The following ABCG1 variants were observed in gnomAD, a reference collection of about 807,000 sequenced individuals.
The protein encoded by ABCG1 is ATP binding cassette subfamily G member 1, also known as ATP-binding cassette sub-family G member 1.
Under a neutral mutation model 69.2 loss-of-function variants are expected in ABCG1, and 29 were observed. That is an observed-to-expected ratio of 0.42 (90% confidence interval 0.31 to 0.57). The LOEUF (loss-of-function observed/expected upper bound fraction) is 0.57, where lower values mean the gene tolerates loss of function less well. Among genes scored for constraint, ABCG1 ranks in the 20% least tolerant of loss-of-function variants. The pLI, the probability that ABCG1 is intolerant of heterozygous loss-of-function variation, is 0.15. For missense variants in ABCG1, 718 were observed against 898.1 expected (o/e 0.80, Z 2.56); for synonymous variants, 370 against 374.8 (o/e 0.99, Z 0.15).
At chr21:42,274,592 A>T (rs1296258041) in intron 4 of ABCG1, among the ~76,000 whole-genome samples, 1 of 150,608 alleles carries the variant, frequency 6.6e-6, no homozygotes, top group Non-Finnish European at 1.5e-5. Flanking sequence ...CTTCTGCCTC[A>T]GCCTCCCAAG....
chr21:42,268,375 G>GTGTT (rs1485328424), intron 2 of ABCG1, among the ~76,000 whole-genome samples: 1 of 135,652 alleles, frequency 7.4e-6, no homozygotes, highest in African/African-American at 3.3e-5. Flanking sequence ...GTGTGTGTGT[G>GTGTT]TGTGTGTGTG....
intron 7 of ABCG1, 87 bp from the exon 8 acceptor site, chr21:42,285,793 T>G: frequency 6.8e-6 from 6 of 881,362 alleles, no homozygotes; most frequent in Non-Finnish European, 9.5e-6. Flanking sequence ...GATCGGTTGA[T>G]TGATTGGTTG....
intron 2 of ABCG1, among the ~76,000 whole-genome samples, chr21:42,262,255 G>A (rs4148122): frequency 0.015 from 2,294 of 152,264 alleles, 32 homozygotes; most frequent in Middle Eastern, 0.034. Context: ...TGAGTCCTCC[G>A]TAAGGGACAG....
chr21:42,207,547 C>A (rs529322932), intron 2 of ABCG1, among the ~76,000 whole-genome samples: 1 of 152,222 alleles, frequency 6.6e-6, no homozygotes, highest in Non-Finnish European at 1.5e-5. Context: ...ATAATTCTAA[C>A]ACTGCTGTCC....
rs1273320141 is a variant in ABCG1, at chr21:42,273,419, T to G, written c.521T>G (p.Val174Gly). 6.2e-7 allele frequency: 1 copy of G among 1,613,624 alleles called. No homozygotes were observed. The highest frequency in any genetic ancestry group is 8.5e-7 in the Non-Finnish European group (1 of 1,179,888). ...GACATGCTGCTGCCGCATCTCACTG[T>G]GCAGGAGGCCATGATGGTGAGCTCC... ...QDDMLLPHLT[V>G]QEAMMVSAHL... Residue 174 changes from valine (V) to glycine (G), a missense_variant, in exon 4 of 15, where the codon GTG becomes GGG. Val to Gly is a moderately radical substitution (Grantham distance 109). Coordinates refer to ENST00000398449, the MANE Select transcript of ABCG1 (RefSeq NM_016818.3). This position sits in a 1 kb window ranked among gnomAD's most constrained non-coding sequence, Gnocchi z 5.3.
At chr21:42,226,058 A>T (rs940653759) in intron 2 of ABCG1, 144 bp downstream of exon 2, 1 of 981,260 alleles carries the variant, frequency 1.0e-6, no homozygotes, top group African/African-American at 1.6e-5. Context: ...AATTTATTCT[A>T]TTGCTTTCTG....
chr21:42,205,157 G>A, intron 2 of ABCG1, among the ~76,000 whole-genome samples: 1 of 152,236 alleles, frequency 6.6e-6, no homozygotes, highest in Middle Eastern at 3.4e-3. Context: ...GTTGTCAAAT[G>A]CATGATTGCA....
intron 2 of ABCG1, among the ~76,000 whole-genome samples, chr21:42,227,087 G>A (rs948181111): frequency 5.3e-5 from 8 of 152,200 alleles, no homozygotes; most frequent in African/African-American, 1.7e-4. Context: ...AGCTTTGAAA[G>A]ACTGGTCCCT....
intron 2 of ABCG1, among the ~76,000 whole-genome samples, chr21:42,261,972 C>T (rs901268457): frequency 2.6e-5 from 4 of 152,156 alleles, no homozygotes; most frequent in Non-Finnish European, 5.9e-5. Context: ...ACCCAATGAC[C>T]GATCTTCCCC....
intron 2 of ABCG1, among the ~76,000 whole-genome samples, chr21:42,234,771 A>ACAG (rs1233683283): frequency 6.6e-6 from 1 of 152,058 alleles, no homozygotes; most frequent in Non-Finnish European, 1.5e-5. Flanking sequence ...CCCGAGCTCA[A>ACAG]CGCCCGGGAG....
chr21:42,254,601 T>A (rs952795984), intron 2 of ABCG1, among the ~76,000 whole-genome samples: 3 of 152,232 alleles, frequency 2.0e-5, no homozygotes, highest in African/African-American at 7.2e-5. Flanking sequence ...GCAAGAGGAT[T>A]GATCAGCGCG....
In ABCG1 at chr21:42,276,855, G is replaced by A. The variant is rs369825449; in HGVS notation, c.538-40G>A. 1.6e-4 allele frequency: 251 copies of A among 1,610,746 alleles called. No homozygotes were observed. Among genetic ancestry groups the A allele is most frequent in the East Asian group, 6.7e-5 (3 of 44,836 alleles). On this transcript the variant is annotated intron_variant, in intron 4 of 14. Coordinates refer to ENST00000398449, the MANE Select transcript of ABCG1 (RefSeq NM_016818.3). The surrounding 1 kb of genome is among the most constrained non-coding windows in gnomAD (Gnocchi z 5.3). Reference sequence around the variant, plus strand: ...CATGAGGCTCACACTGCCAGTGGCCGTCTGTTCTGCTTCCACACTGTTGTC... The same window carrying A: ...CATGAGGCTCACACTGCCAGTGGCCATCTGTTCTGCTTCCACACTGTTGTC...
intron 2 of ABCG1, among the ~76,000 whole-genome samples, chr21:42,210,455 T>A (rs1569200816): frequency 6.6e-6 from 1 of 152,208 alleles, no homozygotes; most frequent in Admixed American, 6.5e-5. Context: ...TCTCTGAGAC[T>A]TCTGTCTTAA....
intron 11 of ABCG1, among the ~76,000 whole-genome samples, 170 bp from the exon 12 acceptor site, chr21:42,290,921 CG>C (rs1443780406): frequency 1.3e-5 from 2 of 152,196 alleles, no homozygotes; most frequent in African/African-American, 4.8e-5. Flanking sequence ...GTTATGCAAA[CG>C]GGTGGCGTTT....
intron 1 of ABCG1, among the ~76,000 whole-genome samples, chr21:42,221,613 G>A (rs1274219906): frequency 2.0e-5 from 3 of 152,208 alleles, no homozygotes; most frequent in African/African-American, 7.2e-5. Context: ...AGGGTATGAT[G>A]CCTTTGGTAT....
At position 42,287,758 on chromosome 21, in the gene ABCG1, C is replaced by T. The variant is rs1192702898; in HGVS notation, c.974-131C>T. 2 of 914,478 alleles carry T rather than the reference C, an allele frequency of 2.2e-6. No individual in the cohort carries two copies. The highest frequency in any genetic ancestry group is 1.6e-6 in the Non-Finnish European group (1 of 616,278). 56.6% of individuals were successfully genotyped at this position (914,478 alleles called of 1,614,324 possible). A position where few individuals can be genotyped will look rare whatever the true frequency, so the allele number is the denominator to read the frequency against. On this transcript the variant is annotated intron_variant, in intron 8 of 14. Coordinates refer to ENST00000398449, the MANE Select transcript of ABCG1 (RefSeq NM_016818.3). This position sits in a 1 kb window ranked among gnomAD's most constrained non-coding sequence, Gnocchi z 6.2. ...GTTGATAAATGATTTTGACGTCATG[C>T]CATTAGCACCGCCACGCAGCATCTA...
upstream of ABCG1, chr21:42,219,013 GC>G (rs1465825192): frequency 6.1e-5 from 14 of 230,808 alleles, 1 homozygote; most frequent in Middle Eastern, 3.0e-3. This position sits in a 1 kb window ranked among gnomAD's most constrained non-coding sequence, Gnocchi z 5.3. Context: ...CTGGTCCGCC[GC>G]CCCCAGCAGG....
At chr21:42,283,756 T>C (rs1311800) in intron 6 of ABCG1, among the ~76,000 whole-genome samples, 6,708 of 18,990 alleles carry the variant, frequency 0.35, 1,236 homozygotes, top group East Asian at 0.54. Context: ...ACCTCTGTCC[T>C]GCCTGGACAG....
At chr21:42,293,745 A>G (rs1404570431) in intron 13 of ABCG1, among the ~76,000 whole-genome samples, 1 of 150,250 alleles carries the variant, frequency 6.7e-6, no homozygotes, top group African/African-American at 2.5e-5. Flanking sequence ...CTACATACAC[A>G]CACCACACAG....
Sources: allele counts gnomAD v4.1 joint callset (sites outside exome capture counted in the v4.1 genomes callset), GRCh38; gene constraint gnomAD v4.1.1; non-coding constraint Gnocchi (gnomAD v3.1); transcripts MANE v1.5; gene names NCBI Gene and HGNC (gene_info 2026-07-23, HGNC 2026-07-21).